The following VCAM1 variants were observed in gnomAD, a reference collection of about 807,000 sequenced individuals.
VCAM1 encodes vascular cell adhesion molecule 1, also known as vascular cell adhesion protein 1.
A neutral mutation model predicts 63.8 loss-of-function variants in VCAM1; 41 were observed. The observed-to-expected ratio is 0.64, with a 90% confidence interval of 0.50 to 0.83. The LOEUF is 0.83. VCAM1 is among the 40% of genes least tolerant of loss of function. The pLI is 0.00. For missense variants in VCAM1, 798 were observed against 875.5 expected (o/e 0.91, Z 1.12); for synonymous variants, 338 against 320.7 (o/e 1.05, Z -0.58).
intron 4 of VCAM1, among the ~76,000 whole-genome samples, chr1:100,727,569 T>A (rs941812359): frequency 2.0e-5 from 3 of 152,026 alleles, no homozygotes; most frequent in Non-Finnish European, 4.4e-5. Flanking sequence ...GCACTTTGCA[T>A]CACATGGGAT....
In VCAM1 at chr1:100,731,102, A is replaced by T; in HGVS notation, c.1205-96A>T. On this transcript the variant is annotated intron_variant, in intron 5 of 8. Transcript: ENST00000294728. This position sits in a 1 kb window ranked among gnomAD's most constrained non-coding sequence, Gnocchi z 4.2. ...ACAGTCATTCTATCCCAGGTGACTT[A>T]AAGCTGTCATTTTTAGGCCTTTACA... 8.2e-7 allele frequency: 1 copy of T among 1,220,534 alleles called. No homozygotes were observed. The highest frequency in any genetic ancestry group is 1.1e-6 in the Non-Finnish European group (1 of 888,426). 75.6% of individuals were successfully genotyped at this position (1,220,534 alleles called of 1,614,324 possible).
At chr1:100,727,078 T>A (rs1250162009) in intron 4 of VCAM1, among the ~76,000 whole-genome samples, 1 of 148,550 alleles carries the variant, frequency 6.7e-6, no homozygotes, top group Non-Finnish European at 1.5e-5. Context: ...TGTGTGTGTG[T>A]GAATGTTTGG....
At chr1:100,732,766 AC>A (rs777690560) in intron 7 of VCAM1, 82 bp downstream of exon 7, 181 of 1,434,008 alleles carry the variant, frequency 1.3e-4, no homozygotes, top group Non-Finnish European at 1.6e-4. Flanking sequence ...GTCTTTGAAA[AC>A]AAAATTTTTA....
At chr1:100,737,981 G>A in intron 8 of VCAM1, 142 bp from the exon 9 acceptor site, 1 of 839,886 alleles carries the variant, frequency 1.2e-6, no homozygotes, top group South Asian at 1.8e-5. Context: ...ATGCATCTTG[G>A]GTCCTGATGG....
At chr1:100,734,800 T>A (rs34186667) in intron 8 of VCAM1, 32 bp downstream of exon 8, 1 of 1,608,778 alleles carries the variant, frequency 6.2e-7, no homozygotes, top group East Asian at 2.2e-5. Context: ...GTTTTCTTGG[T>A]AATAGTTCAG....
Position 100,731,622 on chromosome 1 carries a change from A to AT in VCAM1, c.1525+104_1525+105insT. ...TAATCGTTAAAACCTCTGTGGAGAA[A>AT]AAACGTTACTGAAAAGAAATTTCAA... is the stretch of plus-strand genomic sequence containing the variant. On this transcript the variant is annotated intron_variant, in intron 6 of 8. Transcript: ENST00000294728. The surrounding 1 kb of genome is among the most constrained non-coding windows in gnomAD (Gnocchi z 4.2). 9.0e-7 allele frequency: 1 copy of AT among 1,107,932 alleles called. No individual in the cohort carries two copies. Among genetic ancestry groups the AT allele is most frequent in the Admixed American group, 2.7e-5 (1 of 36,904 alleles). 68.6% of individuals were successfully genotyped at this position (1,107,932 alleles called of 1,614,324 possible). A position where few individuals can be genotyped will look rare whatever the true frequency, so the allele number is the denominator to read the frequency against.
At chr1:100,732,287 T>C in intron 6 of VCAM1, 131 bp from the exon 7 acceptor site, 1 of 927,572 alleles carries the variant, frequency 1.1e-6, no homozygotes, top group Non-Finnish European at 1.5e-6. Context: ...CAAAACCTCT[T>C]GTGGTGAATT....
chr1:100,729,446 C>T, intron 5 of VCAM1, 64 bp downstream of exon 5: 1 of 1,487,630 alleles, frequency 6.7e-7, no homozygotes. Context: ...AAAAAGAATG[C>T]AAGTCTGTGA....
At chr1:100,738,057 A>G (rs1660718100) in intron 8 of VCAM1, 66 bp from the exon 9 acceptor site, 16 of 1,528,250 alleles carry the variant, frequency 1.0e-5, no homozygotes, top group Non-Finnish European at 1.4e-5. Flanking sequence ...TAAACATGTA[A>G]CTGTTGTTAT....
intron 5 of VCAM1, among the ~76,000 whole-genome samples, chr1:100,730,920 C>T (rs1335073283): frequency 2.6e-5 from 4 of 151,948 alleles, no homozygotes; most frequent in Admixed American, 6.6e-5. Flanking sequence ...AAGGTCAAGC[C>T]ATGGCACACA....
At chr1:100,720,822 T>A (rs3917029) in intron 2 of VCAM1, 71 bp downstream of exon 2, 79 of 1,495,788 alleles carry the variant, frequency 5.3e-5, no homozygotes, top group African/African-American at 7.2e-5. Flanking sequence ...AATGATATTT[T>A]AAAAAAAGTT....
chr1:100,734,106 TTAAC>T (rs1385859357), intron 7 of VCAM1, among the ~76,000 whole-genome samples: 4 of 152,028 alleles, frequency 2.6e-5, no homozygotes, highest in Non-Finnish European at 4.4e-5. Flanking sequence ...TAAAAACTCA[TTAAC>T]TATCATGAGA....
Position 100,719,801 on chromosome 1 carries a change from A to C in VCAM1, c.-60A>C. On this transcript the variant is annotated 5_prime_UTR_variant, in exon 1 of 9. Coordinates refer to ENST00000294728, the MANE Select transcript of VCAM1 (RefSeq NM_001078.4). Reference sequence around the variant, plus strand: ...GCTGAATACCCTCCCAGGCACACACAGGTGGGACACAAATAAGGGTTTTGG... The same window carrying C: ...GCTGAATACCCTCCCAGGCACACACCGGTGGGACACAAATAAGGGTTTTGG... 1 of 1,572,348 alleles carries C rather than the reference A, an allele frequency of 6.4e-7. No homozygotes were observed. Among genetic ancestry groups the C allele is most frequent in the Admixed American group, 1.7e-5 (1 of 58,714 alleles).
chr1:100,724,517 A>G, intron 3 of VCAM1, 107 bp from the exon 4 acceptor site: 1 of 1,314,438 alleles, frequency 7.6e-7, no homozygotes, highest in Non-Finnish European at 1.0e-6. Context: ...TTGGCAGAGT[A>G]ATTTCATCAA....
intron 8 of VCAM1, chr1:100,736,558 A>G (rs1341081148): frequency 6.6e-6 from 1 of 152,172 alleles, no homozygotes; most frequent in East Asian, 1.9e-4. Context: ...TGTGGGGAAG[A>G]CTGAAAGGCA....
chr1:100,731,837 C>G lies in VCAM1; in HGVS notation c.1525+319C>G, dbSNP rs1660471787. Reference sequence around the variant, plus strand: ...AGGGCTGGCTGGTCTCAGATGACTTCACCCACATGTCTGGAGCCATATCTT... The same window carrying G: ...AGGGCTGGCTGGTCTCAGATGACTTGACCCACATGTCTGGAGCCATATCTT... On this transcript the variant is annotated intron_variant, in intron 6 of 8. Transcript: ENST00000294728. The surrounding 1 kb of genome is among the most constrained non-coding windows in gnomAD (Gnocchi z 4.2). Among the ~76,000 whole-genome samples the G allele has an allele frequency of 6.6e-6, 1 of 152,168 alleles. No individual in the cohort carries two copies. Among genetic ancestry groups the G allele is most frequent in the Non-Finnish European group, 1.5e-5 (1 of 68,020 alleles).
chr1:100,729,544 T>G (rs905999454), intron 5 of VCAM1, among the ~76,000 whole-genome samples, 162 bp downstream of exon 5: 2 of 152,230 alleles, frequency 1.3e-5, no homozygotes, highest in South Asian at 2.1e-4. Context: ...TGATGCAATA[T>G]AATTAGCTTA....
In VCAM1 at chr1:100,731,793, C is replaced by T. The variant is rs1025664428; in HGVS notation, c.1525+275C>T. The stretch of plus-strand genomic sequence containing the variant: ...ATGGTATTAGCTGAGCTCACTCGTG[C>T]ATTTTCAGTAAGGTTAGCAGGGCTG... On this transcript the variant is annotated intron_variant, in intron 6 of 8. Transcript: ENST00000294728. The surrounding 1 kb of genome is among the most constrained non-coding windows in gnomAD (Gnocchi z 4.2). Among the ~76,000 whole-genome samples the T allele has an allele frequency of 2.0e-5, 3 of 152,298 alleles. No individual in the cohort carries two copies. Among genetic ancestry groups the T allele is most frequent in the Admixed American group, 1.3e-4 (2 of 15,290 alleles).
At position 100,734,525 on chromosome 1, in the gene VCAM1, A is replaced by G. The variant is rs1391353318; in HGVS notation, c.1816A>G (p.Thr606Ala). Residue 606 changes from threonine to alanine, a missense_variant, in exon 8 of 9, where the codon ACA becomes GCA. Physicochemically the swap from Thr to Ala is moderately conservative, Grantham distance 58. Coordinates refer to ENST00000294728, the MANE Select transcript of VCAM1 (RefSeq NM_001078.4). ...AGTTACTCCAAAAGACATAAAACTT[A>G]CAGCTTTTCCTTCTGAGAGTGTCAA... is the stretch of plus-strand genomic sequence containing the variant. ...IQVTPKDIKL[T>A]AFPSESVKEG... 1 of 1,613,094 alleles carries G rather than the reference A, an allele frequency of 6.2e-7. No homozygotes were observed. The highest frequency in any genetic ancestry group is 8.5e-7 in the Non-Finnish European group (1 of 1,179,698).
Sources: allele counts gnomAD v4.1 joint callset (sites outside exome capture counted in the v4.1 genomes callset), GRCh38; gene constraint gnomAD v4.1.1; non-coding constraint Gnocchi (gnomAD v3.1); transcripts MANE v1.5; gene names NCBI Gene and HGNC (gene_info 2026-07-23, HGNC 2026-07-21).